The following WASF3 variants were observed in gnomAD, a reference collection of about 807,000 sequenced individuals.
The protein encoded by WASF3 is actin-binding protein WASF3.
In WASF3, 11 loss-of-function variants were observed where a neutral mutation model predicts 46.6. That is an observed-to-expected ratio of 0.24 (90% CI 0.15 to 0.39). The LOEUF is 0.39. Among genes scored for constraint, WASF3 ranks in the 10% least tolerant of loss-of-function variants. WASF3 has a pLI of 1.00. For missense variants in WASF3, 576 were observed against 669.8 expected (o/e 0.86, Z 1.55); for synonymous variants, 242 against 259.7 (o/e 0.93, Z 0.65).
At chr13:26,592,811 T>A (rs1346527640) in intron 1 of WASF3, among the ~76,000 whole-genome samples, 1 of 152,164 alleles carries the variant, frequency 6.6e-6, no homozygotes, top group East Asian at 1.9e-4. Context: ...CAGGGTAATT[T>A]TTTCAGGATA....
intron 7 of WASF3, among the ~76,000 whole-genome samples, chr13:26,678,479 C>T (rs1056827089): frequency 4.6e-5 from 7 of 151,752 alleles, no homozygotes; most frequent in African/African-American, 1.7e-4. Flanking sequence ...TGTTTTCTTT[C>T]TTTTGACTTT....
intron 2 of WASF3, among the ~76,000 whole-genome samples, chr13:26,626,809 G>T (rs576190037): frequency 6.6e-6 from 1 of 152,100 alleles, no homozygotes; most frequent in Non-Finnish European, 1.5e-5. Context: ...TCCCCAAGAA[G>T]ACTTAATAAT....
chr13:26,633,200 C>CTTTTTTTTTTTTTTTTTTTTTTTTTTTT (rs58237286), intron 2 of WASF3, among the ~76,000 whole-genome samples: 2 of 90,420 alleles, frequency 2.2e-5, no homozygotes, highest in Non-Finnish European at 4.2e-5. Flanking sequence ...TTAGTTATTT[C>CTTTTTTTTTTTTTTTTTTTTTTTTTTTT]TTTTTTTTTT....
At chr13:26,551,383 G>A in the WASF3 span, among the ~76,000 whole-genome samples, 13 of 152,264 alleles carry the variant, frequency 8.5e-5, 1 homozygote, top group South Asian at 6.2e-4. Context: ...TAAGTCTGAT[G>A]CCTTGGAGCC....
chr13:26,629,562 G>A (rs1007148438), intron 2 of WASF3, among the ~76,000 whole-genome samples: 2 of 152,128 alleles, frequency 1.3e-5, no homozygotes, highest in African/African-American at 2.4e-5. Flanking sequence ...GAGCTGATCC[G>A]TCTGAAAAAC....
At chr13:26,638,320 T>C (rs1198054490) in intron 2 of WASF3, 1 of 152,234 alleles carries the variant, frequency 6.6e-6, no homozygotes, top group Non-Finnish European at 1.5e-5. Context: ...GTTTCAGCCA[T>C]GTCTGGGATC....
chr13:26,624,267 T>G (rs1881398812), intron 2 of WASF3, among the ~76,000 whole-genome samples: 1 of 152,216 alleles, frequency 6.6e-6, no homozygotes, highest in South Asian at 2.1e-4. Context: ...AACAAGTTTT[T>G]AAGAGTTAAA....
Position 26,638,382 on chromosome 13 carries a change from C to A in WASF3, c.-10-3879C>A, listed in dbSNP as rs1881894532. ...TTATCTCTCTAAACTGAGACATTTC[C>A]CAGAAAAGCTGGACAAACTACAGAC... On this transcript the variant is annotated intron_variant, in intron 2 of 9. Coordinates refer to ENST00000335327, the MANE Select transcript of WASF3 (RefSeq NM_006646.6). 3 of 152,114 alleles carry A rather than the reference C, an allele frequency of 2.0e-5. No homozygotes were observed. In the South Asian group the frequency reaches 6.2e-4, roughly 32 times the overall value. 9.4% of individuals were successfully genotyped at this position (152,114 alleles called of 1,614,324 possible).
chr13:26,539,325 C>T, the WASF3 span, among the ~76,000 whole-genome samples: 4 of 152,160 alleles, frequency 2.6e-5, no homozygotes, highest in African/African-American at 7.2e-5. Flanking sequence ...GATGGACCCT[C>T]ATGCAGGATC....
At chr13:26,541,304 G>C in the WASF3 span, among the ~76,000 whole-genome samples, 4 of 152,138 alleles carry the variant, frequency 2.6e-5, no homozygotes, top group African/African-American at 9.7e-5. Flanking sequence ...CGGAACTTAA[G>C]ACTGCACTGA....
intron 6 of WASF3, among the ~76,000 whole-genome samples, chr13:26,673,696 T>A (rs1882983420): frequency 6.6e-6 from 1 of 152,244 alleles, no homozygotes; most frequent in Admixed American, 6.5e-5. Flanking sequence ...AACCCATGTT[T>A]TTGAACTTTT....
At chr13:26,594,280 T>C (rs1880392844) in intron 1 of WASF3, among the ~76,000 whole-genome samples, 1 of 152,196 alleles carries the variant, frequency 6.6e-6, no homozygotes, top group Non-Finnish European at 1.5e-5. Flanking sequence ...GGTCTAACTC[T>C]GCATTTGTTA....
chr13:26,590,767 C>T (rs1880267590), intron 1 of WASF3, among the ~76,000 whole-genome samples: 2 of 152,174 alleles, frequency 1.3e-5, no homozygotes, highest in Admixed American at 6.5e-5. Flanking sequence ...CTGATCTGGG[C>T]ACTGGGACAC....
the WASF3 span, among the ~76,000 whole-genome samples, chr13:26,539,446 T>C: frequency 2.6e-5 from 4 of 152,206 alleles, no homozygotes; most frequent in Non-Finnish European, 5.9e-5. Flanking sequence ...ATTAGTATGC[T>C]ACTCCTTAGC....
At chr13:26,658,311 A>G (rs977300326) in intron 3 of WASF3, among the ~76,000 whole-genome samples, 5 of 152,198 alleles carry the variant, frequency 3.3e-5, no homozygotes, top group Admixed American at 6.5e-5. Flanking sequence ...TTTTGTGACT[A>G]TGTCAGACAT....
At chr13:26,562,398 G>A (rs999925369) in intron 1 of WASF3, among the ~76,000 whole-genome samples, 5 of 152,144 alleles carry the variant, frequency 3.3e-5, no homozygotes, top group African/African-American at 1.2e-4. Context: ...GGGATGGGAG[G>A]GGGAGGCCAG....
intron 1 of WASF3, among the ~76,000 whole-genome samples, chr13:26,564,195 A>G (rs1259583433): frequency 1.3e-5 from 2 of 152,212 alleles, no homozygotes; most frequent in Admixed American, 1.3e-4. Flanking sequence ...CTTATATTCA[A>G]GTGAGGTAAA....
chr13:26,681,463 C>A, intron 8 of WASF3, 143 bp downstream of exon 8: 1 of 1,048,594 alleles, frequency 9.5e-7, no homozygotes, highest in Non-Finnish European at 1.3e-6. Flanking sequence ...GCAACTCTAA[C>A]ATTCTGTGTG....
intron 1 of WASF3, among the ~76,000 whole-genome samples, chr13:26,566,973 T>G (rs1223233058): frequency 2.0e-5 from 3 of 152,242 alleles, no homozygotes; most frequent in Non-Finnish European, 2.9e-5. Context: ...TTCCTTAATA[T>G]GTCCCCCATT....
Sources: allele counts gnomAD v4.1 joint callset (sites outside exome capture counted in the v4.1 genomes callset), GRCh38; gene constraint gnomAD v4.1.1; transcripts MANE v1.5; gene names NCBI Gene and HGNC (gene_info 2026-07-23, HGNC 2026-07-21).